Variants in CLTCL1 observed in about 807,000 individuals in gnomAD.
The protein encoded by CLTCL1 is clathrin heavy chain 2.
Under a neutral mutation model 190.0 loss-of-function variants are expected in CLTCL1, and 159 were observed. The observed-to-expected ratio is 0.84, with a 90% CI of 0.74 to 0.95. The LOEUF (loss-of-function observed/expected upper bound fraction) is 0.95. Among genes scored for constraint, CLTCL1 ranks in the 40% least tolerant of loss-of-function variants. The pLI is 0.00. For synonymous variants in CLTCL1, 752 were observed against 769.6 expected (o/e 0.98, Z 0.38); for missense variants, 1,878 against 2,033.4 (o/e 0.92, Z 1.47).
At chr22:19,257,452 C>A in intron 2 of CLTCL1, 2 of 219,510 alleles carry the variant, frequency 9.1e-6, no homozygotes, top group Non-Finnish European at 1.8e-5. Context: ...GATTAAAGAC[C>A]TAAACATAAA....
In CLTCL1 at chr22:19,242,772, T is replaced by TA; in HGVS notation, c.681+2dup. The TA allele has an allele frequency of 6.2e-7, 1 of 1,613,904 alleles. No individual in the cohort carries two copies. Among genetic ancestry groups the TA allele is most frequent in the Non-Finnish European group, 8.5e-7 (1 of 1,179,858 alleles). ...AGGGAGAAGACAGTAGAGTGGATCT[T>TA]ACCTTGCCTCCTGTGGGATTACGTA... On this transcript the variant is annotated splice_region_variant and intron_variant, in intron 4 of 32. Transcript: ENST00000427926.
At chr22:19,281,414 T>C (rs2087711685) in intron 1 of CLTCL1, among the ~76,000 whole-genome samples, 1 of 152,182 alleles carries the variant, frequency 6.6e-6, no homozygotes, top group Non-Finnish European at 1.5e-5. Context: ...ATGATAAATT[T>C]TATGTTATGT....
Position 19,235,749 on chromosome 22 carries a change from T to A in CLTCL1, c.916A>T (p.Thr306Ser), listed in dbSNP as rs1555961721. Residue 306 changes from threonine (T) to serine (S), a missense_variant, in exon 6 of 33, where the codon ACT becomes TCT. Thr to Ser is a moderately conservative substitution (Grantham distance 58). Transcript: ENST00000427926. ...NRISADTIFVTAPHKPTSGII... is the reference protein window; with the variant it reads ...NRISADTIFVSAPHKPTSGII... Reference sequence around the variant, plus strand: ...CCAGAGGTTGGTTTGTGTGGAGCAGTGACAAATATTGTGTCAGCACTAATA... The same window carrying A: ...CCAGAGGTTGGTTTGTGTGGAGCAGAGACAAATATTGTGTCAGCACTAATA... The A allele has an allele frequency of 6.2e-7, 1 of 1,614,028 alleles. No homozygotes were observed. The highest frequency in any genetic ancestry group is 1.1e-5 in the South Asian group (1 of 91,080).
intron 2 of CLTCL1, among the ~76,000 whole-genome samples, chr22:19,265,527 A>G (rs2087094545): frequency 6.6e-6 from 1 of 151,932 alleles, no homozygotes; most frequent in African/African-American, 2.4e-5. Flanking sequence ...CTTTTTTAAT[A>G]TATTTTATAT....
chr22:19,286,122 C>T (rs1555990009), intron 1 of CLTCL1, among the ~76,000 whole-genome samples: 1 of 152,136 alleles, frequency 6.6e-6, no homozygotes, highest in Non-Finnish European at 1.5e-5. Context: ...TTCTTTCAAC[C>T]CAACCAACTA....
chr22:19,242,794 C>A lies in CLTCL1; in HGVS notation c.662G>T (p.Arg221Leu). 1 of 1,613,884 alleles carries A rather than the reference C, an allele frequency of 6.2e-7. No homozygotes were observed. The highest frequency in any genetic ancestry group is 1.1e-5 in the South Asian group (1 of 91,078). Residue 221 changes from arginine to leucine, a missense_variant, in exon 4 of 33, where the codon CGT becomes CTT. Arg to Leu is a moderately radical substitution (Grantham distance 102, BLOSUM62 -2). Coordinates refer to ENST00000427926, the MANE Select transcript of CLTCL1 (RefSeq NM_007098.4). ...KPATLFCFAVRNPTGGKLHII... is the reference protein window; with the variant it reads ...KPATLFCFAVLNPTGGKLHII... ...TCTTACCTTGCCTCCTGTGGGATTA[C>A]GTACAGCAAAGCAGAAAAGGGTGGC...
intron 1 of CLTCL1, among the ~76,000 whole-genome samples, chr22:19,278,087 T>C (rs2087580446): frequency 6.6e-6 from 1 of 151,754 alleles, no homozygotes; most frequent in Admixed American, 6.6e-5. Context: ...GCGCGAGGGG[T>C]GTCCTTGCCT....
chr22:19,196,478 G>A lies in CLTCL1; in HGVS notation c.4041+11C>T, dbSNP rs2146287709. The A allele has an allele frequency of 6.2e-7, 1 of 1,614,058 alleles. No individual in the cohort carries two copies. Among genetic ancestry groups the A allele is most frequent in the Non-Finnish European group, 8.5e-7 (1 of 1,179,892 alleles). ...GGCCACGGCTGCCAGACTGCAAGGA[G>A]TACACGGTACCTTTGGGATGTTGAC... On this transcript the variant is annotated intron_variant, in intron 25 of 32. Coordinates refer to ENST00000427926, the MANE Select transcript of CLTCL1 (RefSeq NM_007098.4).
chr22:19,218,745 A>G (rs1047811616), intron 18 of CLTCL1, among the ~76,000 whole-genome samples: 3 of 152,350 alleles, frequency 2.0e-5, no homozygotes, highest in East Asian at 3.9e-4. Flanking sequence ...CTGTGAGGCT[A>G]TAACTGGAGA....
At chr22:19,208,385 G>A in intron 21 of CLTCL1, 74 bp from the exon 22 acceptor site, 1 of 1,543,170 alleles carries the variant, frequency 6.5e-7, no homozygotes, top group Non-Finnish European at 8.9e-7. Flanking sequence ...CTCCCATTCT[G>A]TTCTCAGCCA....
chr22:19,281,424 T>C (rs782657356), intron 1 of CLTCL1, among the ~76,000 whole-genome samples: 5 of 152,210 alleles, frequency 3.3e-5, no homozygotes, highest in African/African-American at 4.8e-5. Context: ...TTATGTTATG[T>C]ATATTTTACC....
chr22:19,258,595 C>T, intron 2 of CLTCL1: 1 of 616,114 alleles, frequency 1.6e-6, no homozygotes. Flanking sequence ...CAGCGCCAGG[C>T]CCAGGAGTAC....
At chr22:19,201,158 G>C (rs1404996953) in intron 23 of CLTCL1, among the ~76,000 whole-genome samples, 171 bp downstream of exon 23, 1 of 152,170 alleles carries the variant, frequency 6.6e-6, no homozygotes, top group Non-Finnish European at 1.5e-5. Flanking sequence ...GATTCTCTGG[G>C]GCCTCTGTTC....
intron 22 of CLTCL1, 142 bp from the exon 23 acceptor site, chr22:19,201,635 T>C: frequency 1.1e-6 from 1 of 932,248 alleles, no homozygotes; most frequent in Non-Finnish European, 1.6e-6. Flanking sequence ...AGTGACCAGA[T>C]GAAGTTGGCC....
chr22:19,208,897 C>T, intron 21 of CLTCL1, 25 bp downstream of exon 21: 1 of 1,573,416 alleles, frequency 6.4e-7, no homozygotes, highest in Non-Finnish European at 8.6e-7. Context: ...AGATGCAGAG[C>T]CCTAGGGAGA....
rs574210909 is a variant in CLTCL1 at position 19,219,564 on chromosome 22, AC to A, written c.2919+320del. Among the ~76,000 whole-genome samples, 6 of 151,140 alleles carry A rather than the reference AC, an allele frequency of 4.0e-5. No individual in the cohort carries two copies. In the South Asian group the frequency reaches 1.3e-3, roughly 32 times the overall value. On this transcript the variant is annotated intron_variant, in intron 18 of 32. Transcript: ENST00000427926. ...AGTGGCACGATGTCGGCTCACTGCA[AC>A]CTCCACCCCCTGGGTTCAAGCAATT...
chr22:19,186,555 G>A (rs1429631452), intron 29 of CLTCL1, among the ~76,000 whole-genome samples: 2 of 151,816 alleles, frequency 1.3e-5, no homozygotes, highest in Admixed American at 1.3e-4. Flanking sequence ...GCACACAACC[G>A]TACCCAGCTT....
At position 19,268,569 on chromosome 22, in the gene CLTCL1, T is replaced by G. The variant is rs902751570; in HGVS notation, c.250+7054A>C. ...ATAGACATTTCTCAGAAAATATATA[T>G]AAATGGTTAATAATCATATTTAAAA... On this transcript the variant is annotated intron_variant, in intron 2 of 32. Transcript: ENST00000427926. Among the ~76,000 whole-genome samples the G allele has an allele frequency of 2.0e-5, 3 of 152,092 alleles. No individual in the cohort carries two copies. In the South Asian group the frequency reaches 6.2e-4, roughly 31 times the overall value.
chr22:19,233,728 C>G lies in CLTCL1; in HGVS notation c.1168-106G>C, dbSNP rs192635987. 152 of 985,452 alleles carry G rather than the reference C, an allele frequency of 1.5e-4. No homozygotes were observed. The African/African-American group carries it at 2.2e-3, about 14-fold the overall frequency. The allele number at this position is 985,452 out of a possible 1,614,324, so 61.0% of individuals were successfully genotyped here. The stretch of plus-strand genomic sequence containing the variant: ...AAAATCTGCCAGTGGAAATTCCACA[C>G]TGCTCTGTCATAGACAAAAAGTCCT... On this transcript the variant is annotated intron_variant, in intron 7 of 32. Transcript: ENST00000427926.
Sources: allele counts gnomAD v4.1 joint callset (sites outside exome capture counted in the v4.1 genomes callset), GRCh38; gene constraint gnomAD v4.1.1; transcripts MANE v1.5; gene names NCBI Gene and HGNC (gene_info 2026-07-23, HGNC 2026-07-21).